JMJD1C: variants seen among roughly 807,000 people sequenced by gnomAD.
JMJD1C encodes jumonji domain containing 1C, also known as jumonji domain-containing protein 1C.
A neutral mutation model predicts 245.3 loss-of-function variants in JMJD1C; 31 were observed. The ratio of observed to expected loss-of-function variants is 0.13; its 90% CI spans 0.09 to 0.17. The LOEUF (loss-of-function observed/expected upper bound fraction) is 0.17, where lower values mean the gene tolerates loss of function less well. JMJD1C is among the 10% of genes least tolerant of loss of function. The pLI is 1.00. For missense variants in JMJD1C, 2,691 were observed against 3,000.2 expected (o/e 0.90, Z 2.41); for synonymous variants, 1,057 against 1,017.4 (o/e 1.04, Z -0.74).
chr10:63,477,508 G>A, intron 1 of JMJD1C, among the ~76,000 whole-genome samples: 1 of 145,400 alleles, frequency 6.9e-6, no homozygotes, highest in African/African-American at 2.5e-5. Context: ...GAGAAAGGAT[G>A]ATCTCTTCAA....
At chr10:63,297,706 C>T (rs761926085) in intron 2 of JMJD1C, among the ~76,000 whole-genome samples, 1 of 152,138 alleles carries the variant, frequency 6.6e-6, no homozygotes, top group Admixed American at 6.5e-5. Flanking sequence ...GGTAGCCACC[C>T]CATGGGATGG....
chr10:63,392,887 C>CACACACAA, intron 1 of JMJD1C, among the ~76,000 whole-genome samples: 1 of 148,078 alleles, frequency 6.8e-6, no homozygotes, highest in Non-Finnish European at 1.5e-5. Context: ...CACACACACA[C>CACACACAA]ACACACACAC....
chr10:63,417,859 A>G (rs903051379), intron 1 of JMJD1C, among the ~76,000 whole-genome samples: 1 of 152,222 alleles, frequency 6.6e-6, no homozygotes, highest in Non-Finnish European at 1.5e-5. Context: ...GTCAACAATT[A>G]GACTGGTATC....
Position 63,205,850 on chromosome 10 carries a change from G to T in JMJD1C, c.5074+745C>A, listed in dbSNP as rs867568849. Among the ~76,000 whole-genome samples the T allele has an allele frequency of 8.5e-5, 13 of 152,174 alleles. No homozygotes were observed. The Middle Eastern group carries it at 0.014, about 159-fold the overall frequency. ...TTTTTTGTTTATTTTTTGAGACATG[G>T]TCTTGCTCTGTTGCCCAGGCTGGAG... On this transcript the variant is annotated intron_variant, in intron 10 of 25. Transcript: ENST00000399262.
chr10:63,356,413 A>AGT (rs1178890897), intron 2 of JMJD1C, among the ~76,000 whole-genome samples: 3 of 152,208 alleles, frequency 2.0e-5, no homozygotes, highest in Admixed American at 2.0e-4. Context: ...ACTTTGAGCT[A>AGT]GTTTACTCCA....
chr10:63,404,988 T>TGA (rs1456874424), intron 1 of JMJD1C, among the ~76,000 whole-genome samples: 1 of 152,200 alleles, frequency 6.6e-6, no homozygotes, highest in African/African-American at 2.4e-5. Flanking sequence ...AGGATCAACA[T>TGA]GATACAATTA....
At chr10:63,352,115 T>A (rs1226312839) in intron 2 of JMJD1C, among the ~76,000 whole-genome samples, 1 of 152,020 alleles carries the variant, frequency 6.6e-6, no homozygotes, top group African/African-American at 2.4e-5. Flanking sequence ...AACAAAAAAA[T>A]TTTAGACATA....
At chr10:63,401,423 T>C (rs1948849151) in intron 1 of JMJD1C, among the ~76,000 whole-genome samples, 1 of 152,146 alleles carries the variant, frequency 6.6e-6, no homozygotes, top group Admixed American at 6.5e-5. Context: ...CTTTTTGTTT[T>C]TGCTTGTAGA....
intron 1 of JMJD1C, among the ~76,000 whole-genome samples, chr10:63,443,039 T>C (rs1951483801): frequency 6.6e-6 from 1 of 152,192 alleles, no homozygotes; most frequent in African/African-American, 2.4e-5. Context: ...TCCCCAATCC[T>C]CTGATTGATC....
intron 2 of JMJD1C, among the ~76,000 whole-genome samples, chr10:63,343,431 A>G (rs1943549680): frequency 6.6e-6 from 1 of 152,176 alleles, no homozygotes; most frequent in Non-Finnish European, 1.5e-5. Context: ...TGAAGTACAT[A>G]TAGCCTAGGT....
At chr10:63,377,893 G>C (rs1946881692) in intron 2 of JMJD1C, among the ~76,000 whole-genome samples, 1 of 139,392 alleles carries the variant, frequency 7.2e-6, no homozygotes, top group East Asian at 2.1e-4. Context: ...GTGAGATCTT[G>C]TCTAAATAAA....
At chr10:63,396,929 G>GTT (rs1289435997) in intron 1 of JMJD1C, among the ~76,000 whole-genome samples, 147 of 130,104 alleles carry the variant, frequency 1.1e-3, no homozygotes, top group African/African-American at 2.0e-3. Context: ...CTGGTTTTTG[G>GTT]TTTTTTTTTT....
chr10:63,169,500 G>A (rs1174604961), intron 24 of JMJD1C, among the ~76,000 whole-genome samples: 1 of 152,054 alleles, frequency 6.6e-6, no homozygotes, highest in Non-Finnish European at 1.5e-5. Flanking sequence ...TGGGAGGAGT[G>A]AGATGAAAGA....
At chr10:63,218,070 CAAAG>C (rs2133256924) in intron 4 of JMJD1C, among the ~76,000 whole-genome samples, 1 of 152,016 alleles carries the variant, frequency 6.6e-6, no homozygotes, top group South Asian at 2.1e-4. Context: ...AATACTTTAA[CAAAG>C]AACTGTAAGG....
intron 1 of JMJD1C, among the ~76,000 whole-genome samples, chr10:63,507,644 C>A (rs565010548): frequency 7.3e-4 from 43 of 58,768 alleles, no homozygotes; most frequent in South Asian, 2.2e-3. Context: ...GACTCTGTCT[C>A]AAAAAAAAAA....
Position 63,207,720 on chromosome 10 carries a change from T to C in JMJD1C, c.3949A>G (p.Ser1317Gly), listed in dbSNP as rs1846811387. ...GAAGCTAACTGCATTGCTGGCATACTATCAGTTTTTGTACTAGAAGATGGA... is the reference window on the plus strand; with the variant it reads ...GAAGCTAACTGCATTGCTGGCATACCATCAGTTTTTGTACTAGAAGATGGA... ...VRPSSSTKTD[S>G]MPAMQLASKD... is the part of the protein sequence containing the mutation. Residue 1317 changes from serine (S) to glycine (G), a missense_variant, in exon 10 of 26, where the codon AGT becomes GGT. Ser to Gly is a moderately conservative substitution (Grantham distance 56). Transcript: ENST00000399262. 11 of 1,614,072 alleles carry C rather than the reference T, an allele frequency of 6.8e-6. No homozygotes were observed. In the East Asian group the frequency reaches 1.3e-4, roughly 20 times the overall value.
intron 1 of JMJD1C, among the ~76,000 whole-genome samples, chr10:63,458,959 T>C (rs1369384276): frequency 6.6e-6 from 1 of 152,168 alleles, no homozygotes. Context: ...TGAGCTCAAG[T>C]GATCTCCCTG....
intron 10 of JMJD1C, among the ~76,000 whole-genome samples, chr10:63,206,023 A>G (rs1258798245): frequency 6.6e-6 from 1 of 152,182 alleles, no homozygotes; most frequent in Non-Finnish European, 1.5e-5. Flanking sequence ...GTTGTTATGC[A>G]GCACATGACT....
At chr10:63,475,685 G>A (rs191786154) in intron 1 of JMJD1C, among the ~76,000 whole-genome samples, 1 of 152,224 alleles carries the variant, frequency 6.6e-6, no homozygotes, top group Admixed American at 6.5e-5. Flanking sequence ...CCACCACAAA[G>A]CTAAACAGCA....
Sources: gnomAD v4.1 joint callset for allele counts (sites outside exome capture counted in the v4.1 genomes callset) on GRCh38, gnomAD v4.1.1 for gene constraint, MANE v1.5 for transcripts, NCBI Gene and HGNC (gene_info 2026-07-23, HGNC 2026-07-21) for gene names.